Variants in FUBP1 observed in about 807,000 individuals in gnomAD.
The protein encoded by FUBP1 is far upstream element binding protein 1.
FUBP1 carries 16 observed loss-of-function variants against 94.9 expected under a neutral mutation model. That is an observed-to-expected ratio of 0.17 (90% CI 0.11 to 0.26). The LOEUF is 0.26. FUBP1 is among the 10% of genes least tolerant of loss of function. FUBP1 has a pLI of 1.00. For synonymous variants in FUBP1, 279 were observed against 254.9 expected (o/e 1.09, Z -0.90); for missense variants, 583 against 808.6 (o/e 0.72, Z 3.38).
chr1:77,950,847 A>AC (rs1490199167), intron 18 of FUBP1, among the ~76,000 whole-genome samples: 2 of 152,214 alleles, frequency 1.3e-5, no homozygotes, highest in African/African-American at 4.8e-5. Context: ...AAAACAGGTC[A>AC]CAGACTCAAA....
chr1:77,957,981 A>T (rs1349882577), intron 16 of FUBP1, among the ~76,000 whole-genome samples: 1 of 152,036 alleles, frequency 6.6e-6, no homozygotes. Context: ...TAGTAGAGAC[A>T]GGGTTTCGCC....
chr1:77,972,511 G>A (rs749188827), intron 1 of FUBP1, among the ~76,000 whole-genome samples: 30 of 151,396 alleles, frequency 2.0e-4, no homozygotes, highest in Admixed American at 1.5e-3. Context: ...TTGGGAGGCC[G>A]AGGCAGGGCG....
intron 18 of FUBP1, among the ~76,000 whole-genome samples, chr1:77,953,723 T>C (rs1237099173): frequency 6.6e-6 from 1 of 151,928 alleles, no homozygotes; most frequent in Non-Finnish European, 1.5e-5. Flanking sequence ...CAAGGTAAAA[T>C]GTCTTCCCTT....
At position 77,944,321 on chromosome 1, in the gene FUBP1, AAT is replaced by A. The variant is rs61116733; in HGVS notation, c.*4443_*4444del. The A allele has an allele frequency of 7.9e-3, 1,436 of 182,380 alleles. No individual in the cohort carries two copies. Among genetic ancestry groups the A allele is most frequent in the East Asian group, 0.021 (223 of 10,422 alleles). The allele number at this position is 182,380 out of a possible 1,614,324, so 11.3% of individuals were successfully genotyped here. ...AAAATGCATCGAGCATGCATAAGAA[AAT>A]ATATATATATATATGCGCAAATACA... On this transcript the variant is annotated 3_prime_UTR_variant, in exon 20 of 20. Transcript: ENST00000370768.
chr1:77,974,969 G>C (rs1476500755), intron 1 of FUBP1, among the ~76,000 whole-genome samples: 1 of 152,186 alleles, frequency 6.6e-6, no homozygotes, highest in Non-Finnish European at 1.5e-5. Context: ...AAATGGTACA[G>C]TATCTGCATA....
chr1:77,960,735 T>G (rs1655303460), intron 14 of FUBP1: 1 of 409,428 alleles, frequency 2.4e-6, no homozygotes, highest in Non-Finnish European at 4.3e-6. Context: ...AAATTAAATT[T>G]AAATTAGCAA....
At chr1:77,950,989 T>A (rs1165673805) in intron 18 of FUBP1, among the ~76,000 whole-genome samples, 1 of 152,228 alleles carries the variant, frequency 6.6e-6, no homozygotes, top group African/African-American at 2.4e-5. Context: ...TATAAATAAC[T>A]GTTCTCAAAG....
chr1:77,964,339 A>C lies in FUBP1; in HGVS notation c.855T>G (p.Phe285Leu), dbSNP rs753201665. ...TTCTTCCTATTACAATGCCAACAGC[A>C]AATCTTGGAATGGGGACCTTATGTA... ...NEGIDVPIPR[F>L]AVGIVIGRNG... Residue 285 changes from phenylalanine to leucine, a missense_variant, in exon 11 of 20, where the codon TTT (phenylalanine) becomes TTG (leucine). Phe to Leu is a conservative substitution (Grantham distance 22). Transcript: ENST00000370768. The C allele has an allele frequency of 6.3e-7, 1 of 1,593,758 alleles. No individual in the cohort carries two copies. The highest frequency in any genetic ancestry group is 8.6e-7 in the Non-Finnish European group (1 of 1,169,268).
intron 18 of FUBP1, among the ~76,000 whole-genome samples, chr1:77,951,074 A>C (rs921098332): frequency 1.3e-5 from 2 of 152,212 alleles, no homozygotes; most frequent in African/African-American, 4.8e-5. Flanking sequence ...ATATCTAAAA[A>C]ACTGGTGTGA....
intron 18 of FUBP1, among the ~76,000 whole-genome samples, chr1:77,950,290 T>C (rs929447051): frequency 6.6e-6 from 1 of 151,950 alleles, no homozygotes; most frequent in African/African-American, 2.4e-5. Flanking sequence ...GCCTCTAGAG[T>C]AGCTGGGACT....
At position 77,949,275 on chromosome 1, in the gene FUBP1, C is replaced by G. The variant is rs752653413; in HGVS notation, c.1806G>C (p.Gly602=). Residue 602 remains glycine, a synonymous_variant, in exon 19 of 20, where the codon GGG becomes GGC. Coordinates refer to ENST00000370768, the MANE Select transcript of FUBP1 (RefSeq NM_003902.5). The stretch of plus-strand genomic sequence containing the variant: ...AATCTGGCTGACCACCTGGAGGAGC[C>G]CCAGTCGGAGCAGGAACTGCCTGAC... ...KMGQAVPAPT[G]APPGGQPDYS... 6.2e-7 allele frequency: 1 copy of G among 1,613,754 alleles called. No homozygotes were observed. The highest frequency in any genetic ancestry group is 8.5e-7 in the Non-Finnish European group (1 of 1,179,736).
At position 77,947,420 on chromosome 1, in the gene FUBP1, C is replaced by T; in HGVS notation, c.*1346G>A. 1 of 587,518 alleles carries T rather than the reference C, an allele frequency of 1.7e-6. No individual in the cohort carries two copies. 36.4% of individuals were successfully genotyped at this position (587,518 alleles called of 1,614,324 possible). A position where few individuals can be genotyped will look rare whatever the true frequency, so the allele number is the denominator to read the frequency against. Reference sequence around the variant, plus strand: ...GAACATTGACAAAAAGATACTGTTGCAGTTCATCAATTTGTCATTCTGATG... The same window carrying T: ...GAACATTGACAAAAAGATACTGTTGTAGTTCATCAATTTGTCATTCTGATG... On this transcript the variant is annotated 3_prime_UTR_variant, in exon 20 of 20. Coordinates refer to ENST00000370768, the MANE Select transcript of FUBP1 (RefSeq NM_003902.5).
At chr1:77,972,322 T>C (rs1657713607) in intron 1 of FUBP1, among the ~76,000 whole-genome samples, 1 of 152,204 alleles carries the variant, frequency 6.6e-6, no homozygotes, top group Non-Finnish European at 1.5e-5. Context: ...CTTCTGCAGT[T>C]AGCTTTTATA....
chr1:77,972,527 GA>G (rs1010428341), intron 1 of FUBP1, among the ~76,000 whole-genome samples: 215 of 150,238 alleles, frequency 1.4e-3, no homozygotes, highest in African/African-American at 5.1e-3. Context: ...GGGCGGGGGG[GA>G]TCATGAGTTC....
chr1:77,960,153 AG>A, intron 16 of FUBP1, 30 bp downstream of exon 16: 1 of 1,452,572 alleles, frequency 6.9e-7, no homozygotes. Flanking sequence ...AAAATAATAC[AG>A]ATAACACACA....
At chr1:77,978,687 G>A (rs949865235) in intron 1 of FUBP1, among the ~76,000 whole-genome samples, 198 bp downstream of exon 1, 3 of 152,348 alleles carry the variant, frequency 2.0e-5, no homozygotes, top group African/African-American at 2.4e-5. Flanking sequence ...GGGGTTCTAA[G>A]TGGATTAGGC....
intron 18 of FUBP1, among the ~76,000 whole-genome samples, chr1:77,950,837 AAAAC>A (rs1386152154): frequency 6.6e-6 from 1 of 152,208 alleles, no homozygotes; most frequent in Non-Finnish European, 1.5e-5. Flanking sequence ...TCACCATTGT[AAAAC>A]AGGTCACAGA....
At chr1:77,962,719 A>T (rs1029214148) in intron 14 of FUBP1, 51 bp downstream of exon 14, 3 of 1,157,762 alleles carry the variant, frequency 2.6e-6, no homozygotes. Flanking sequence ...TCTTAATTTA[A>T]CTACAGTCTA....
At chr1:77,977,742 A>G (rs1341563773) in intron 1 of FUBP1, among the ~76,000 whole-genome samples, 1 of 152,198 alleles carries the variant, frequency 6.6e-6, no homozygotes, top group African/African-American at 2.4e-5. Flanking sequence ...CGTGGAAAAA[A>G]CCGCAGAACT....
Sources: allele counts gnomAD v4.1 joint callset (sites outside exome capture counted in the v4.1 genomes callset), GRCh38; gene constraint gnomAD v4.1.1; transcripts MANE v1.5; gene names NCBI Gene and HGNC (gene_info 2026-07-23, HGNC 2026-07-21).